KIF1B: variants seen among roughly 807,000 people sequenced by gnomAD.
KIF1B encodes the protein kinesin-like protein KIF1B.
In KIF1B, 76 loss-of-function variants were observed where a neutral mutation model predicts 241.9. That is an observed-to-expected ratio of 0.31 (90% CI 0.26 to 0.38). The LOEUF is 0.38. Ranked by LOEUF, KIF1B falls within the 10% of genes least tolerant of loss-of-function variation. KIF1B has a pLI of 1.00. For synonymous variants in KIF1B, 750 were observed against 796.7 expected (o/e 0.94, Z 0.99); for missense variants, 1,622 against 2,271.4 (o/e 0.71, Z 5.81).
rs563786869 is a variant in KIF1B at position 10,378,260 on chromosome 1, C to T, written c.*1673C>T. ...CAGGCTTTGTTGCGTGTTCCCTGCT[C>T]CTCTCCATCTGGTGTGGAAACACTG... On this transcript the variant is annotated 3_prime_UTR_variant, in exon 49 of 49. Coordinates refer to ENST00000676179, the MANE Select transcript of KIF1B (RefSeq NM_001365951.3). 130 of 714,920 alleles carry T rather than the reference C, an allele frequency of 1.8e-4. 3 individuals are homozygous for T. Among genetic ancestry groups the T allele is most frequent in the South Asian group, 1.6e-3 (111 of 67,344 alleles). The allele number at this position is 714,920 out of a possible 1,614,324, so 44.3% of individuals were successfully genotyped here. A position where few individuals can be genotyped will look rare whatever the true frequency, so the allele number is the denominator to read the frequency against.
At position 10,380,195 on chromosome 1, in the gene KIF1B, T is replaced by A. The variant is rs1239826540; in HGVS notation, c.*3608T>A. On this transcript the variant is annotated 3_prime_UTR_variant, in exon 49 of 49. Coordinates refer to ENST00000676179, the MANE Select transcript of KIF1B (RefSeq NM_001365951.3). Reference sequence around the variant, plus strand: ...TGTCTAATTTACAGGGATATTTAATTTTGTCAGGTCTATGTATATTTATCC... The same window carrying A: ...TGTCTAATTTACAGGGATATTTAATATTGTCAGGTCTATGTATATTTATCC... 1 of 215,998 alleles carries A rather than the reference T, an allele frequency of 4.6e-6. No individual in the cohort carries two copies. Among genetic ancestry groups the A allele is most frequent in the Non-Finnish European group, 9.4e-6 (1 of 106,936 alleles). 13.4% of individuals were successfully genotyped at this position (215,998 alleles called of 1,614,324 possible). A position where few individuals can be genotyped will look rare whatever the true frequency, so the allele number is the denominator to read the frequency against.
intron 38 of KIF1B, among the ~76,000 whole-genome samples, chr1:10,353,566 G>A (rs1330582152): frequency 1.3e-5 from 2 of 152,170 alleles, no homozygotes; most frequent in Admixed American, 6.6e-5. Flanking sequence ...CCCACCACAG[G>A]ACTTTGCTGT....
At chr1:10,341,522 G>A (rs1652390509) in intron 32 of KIF1B, among the ~76,000 whole-genome samples, 1 of 152,246 alleles carries the variant, frequency 6.6e-6, no homozygotes, top group Non-Finnish European at 1.5e-5. Flanking sequence ...AAGGACAACA[G>A]GGGCCAAGAT....
chr1:10,329,662 G>A (rs528884627), intron 27 of KIF1B, among the ~76,000 whole-genome samples: 34 of 152,286 alleles, frequency 2.2e-4, no homozygotes, highest in South Asian at 6.2e-4. Context: ...GAACCCGGGA[G>A]GGGGAGGTTG....
At chr1:10,261,034 T>A (rs1450108995) in intron 4 of KIF1B, among the ~76,000 whole-genome samples, 1 of 151,430 alleles carries the variant, frequency 6.6e-6, no homozygotes, top group African/African-American at 2.4e-5. Flanking sequence ...TGGCGCCCTA[T>A]CAGCTCACTG....
chr1:10,332,678 G>T (rs534077137), intron 27 of KIF1B, among the ~76,000 whole-genome samples: 1 of 151,490 alleles, frequency 6.6e-6, no homozygotes, highest in African/African-American at 2.4e-5. Flanking sequence ...ACTATGCCTG[G>T]CTAATTTTTT....
chr1:10,248,284 C>T (rs1017814646), intron 2 of KIF1B, among the ~76,000 whole-genome samples: 12 of 152,110 alleles, frequency 7.9e-5, no homozygotes, highest in Admixed American at 4.6e-4. Context: ...ACTGTAGCTT[C>T]AACTTCCTGG....
At chr1:10,309,990 C>T (rs1650999615) in intron 22 of KIF1B, among the ~76,000 whole-genome samples, 1 of 151,496 alleles carries the variant, frequency 6.6e-6, no homozygotes, top group Non-Finnish European at 1.5e-5. Flanking sequence ...CTTACCTCCC[C>T]TTCCAGACTT....
intron 14 of KIF1B, among the ~76,000 whole-genome samples, chr1:10,280,721 C>T (rs1200496703): frequency 6.6e-6 from 1 of 152,164 alleles, no homozygotes; most frequent in Non-Finnish European, 1.5e-5. Context: ...CAAAGCTCAA[C>T]GATACTGGTG....
intron 22 of KIF1B, 29 bp downstream of exon 22, chr1:10,297,275 G>A (rs1344110148): frequency 2.5e-6 from 4 of 1,595,510 alleles, no homozygotes; most frequent in African/African-American, 1.3e-5. Flanking sequence ...CTAAACTGTT[G>A]GGAAAAGGGC....
intron 1 of KIF1B, among the ~76,000 whole-genome samples, chr1:10,213,453 A>G (rs1176537404): frequency 6.6e-6 from 1 of 152,126 alleles, no homozygotes; most frequent in Non-Finnish European, 1.5e-5. Context: ...AAGTCTGCCA[A>G]CGGAGTCTTT....
chr1:10,275,718 G>A (rs530051316), intron 11 of KIF1B, among the ~76,000 whole-genome samples: 222 of 152,068 alleles, frequency 1.5e-3, no homozygotes, highest in Non-Finnish European at 2.6e-3. Flanking sequence ...ATTTTCTTCA[G>A]GGCATGAACT....
In KIF1B at chr1:10,317,818, G is replaced by A. The variant is rs1459640382; in HGVS notation, c.2116-2225G>A. On this transcript the variant is annotated intron_variant, in intron 22 of 48. Coordinates refer to ENST00000676179, the MANE Select transcript of KIF1B (RefSeq NM_001365951.3). Reference sequence around the variant, plus strand: ...TGCACTCCAACCTGGGTGACAGAGCGAGACTCCACCTCAAAAAAAAAAAAA... The same window carrying A: ...TGCACTCCAACCTGGGTGACAGAGCAAGACTCCACCTCAAAAAAAAAAAAA... Among the ~76,000 whole-genome samples the A allele has an allele frequency of 1.1e-4, 12 of 110,634 alleles. No individual in the cohort carries two copies. In the South Asian group the frequency reaches 2.4e-3, roughly 22 times the overall value. 72.6% of individuals were successfully genotyped at this position (110,634 alleles called of 152,430 possible). A position where few individuals can be genotyped will look rare whatever the true frequency, so the allele number is the denominator to read the frequency against.
intron 1 of KIF1B, among the ~76,000 whole-genome samples, chr1:10,221,018 G>C (rs1054872489): frequency 1.3e-5 from 2 of 149,090 alleles, no homozygotes; most frequent in Non-Finnish European, 3.0e-5. Context: ...CCATATTGGA[G>C]ATTAAAAATC....
Position 10,374,973 on chromosome 1 carries a change from C to T in KIF1B, c.5216C>T (p.Pro1739Leu). Residue 1739 changes from proline to leucine, a missense_variant, in exon 47 of 49, where the codon CCT becomes CTT. Pro to Leu is a moderately conservative substitution (Grantham distance 98, BLOSUM62 -3). Around this residue, in one of 7 missense-constraint regions of KIF1B, gnomAD observed 357 missense variants for 409.0 expected, o/e 0.87. Transcript: ENST00000676179. This position sits in a 1 kb window ranked among gnomAD's most constrained non-coding sequence, Gnocchi z 4.3. ...TTCATCTATAACAGTGACAAAGACC[C>T]TGTGGAGCGTGGAATCATTAACCTG... Reference protein sequence around the residue: ...YVFIYNSDKDPVERGIINLST... With the variant: ...YVFIYNSDKDLVERGIINLST... 1.2e-6 allele frequency: 2 copies of T among 1,614,140 alleles called. No homozygotes were observed. The highest frequency in any genetic ancestry group is 8.5e-7 in the Non-Finnish European group (1 of 1,180,020).
intron 2 of KIF1B, among the ~76,000 whole-genome samples, chr1:10,232,681 G>T (rs548525534): frequency 6.6e-6 from 1 of 152,230 alleles, no homozygotes; most frequent in South Asian, 2.1e-4. Flanking sequence ...AAGTGTTTAT[G>T]CTTATTAAGT....
intron 22 of KIF1B, chr1:10,306,066 A>T: frequency 9.6e-7 from 1 of 1,044,644 alleles, no homozygotes; most frequent in Non-Finnish European, 1.2e-6. Flanking sequence ...ACTATGCTTT[A>T]TTAGAACACA....
chr1:10,265,043 G>A (rs1213212343), intron 5 of KIF1B, among the ~76,000 whole-genome samples: 4 of 151,166 alleles, frequency 2.6e-5, no homozygotes, highest in South Asian at 4.2e-4. Context: ...AACAGGGTTC[G>A]CTGCAGCCTT....
intron 5 of KIF1B, among the ~76,000 whole-genome samples, chr1:10,264,302 T>C (rs1027306239): frequency 3.9e-5 from 6 of 152,244 alleles, no homozygotes; most frequent in Non-Finnish European, 7.3e-5. Context: ...CCTAGAACAG[T>C]GCCTGTAAGA....
Sources: allele counts gnomAD v4.1 joint callset (sites outside exome capture counted in the v4.1 genomes callset), GRCh38; gene constraint gnomAD v4.1.1; regional missense constraint gnomAD v4.1.1; non-coding constraint Gnocchi (gnomAD v3.1); transcripts MANE v1.5; gene names NCBI Gene and HGNC (gene_info 2026-07-23, HGNC 2026-07-21).